Variants in SNX13 observed in about 807,000 individuals in gnomAD.
SNX13 encodes the protein sorting nexin 13.
Under a neutral mutation model 133.6 loss-of-function variants are expected in SNX13, and 45 were observed. The observed-to-expected ratio is 0.34, with a 90% CI of 0.27 to 0.43. The LOEUF (loss-of-function observed/expected upper bound fraction) is 0.43. Among genes scored for constraint, SNX13 ranks in the 20% least tolerant of loss-of-function variants. SNX13 has a pLI of 1.00. For synonymous variants in SNX13, 414 were observed against 373.9 expected (o/e 1.11, Z -1.24); for missense variants, 1,032 against 1,145.1 (o/e 0.90, Z 1.43).
At chr7:17,908,362 G>C (rs561199998) in intron 1 of SNX13, among the ~76,000 whole-genome samples, 1 of 152,122 alleles carries the variant, frequency 6.6e-6, no homozygotes, top group Non-Finnish European at 1.5e-5. Context: ...TGACCTTTGA[G>C]AAAGATTCTA....
chr7:17,859,176 A>C (rs190323535), intron 9 of SNX13, among the ~76,000 whole-genome samples: 1 of 152,218 alleles, frequency 6.6e-6, no homozygotes, highest in African/African-American at 2.4e-5. Flanking sequence ...CCTAGGGAAT[A>C]ATATCTGCAA....
intron 15 of SNX13, chr7:17,830,822 T>G (rs1441878858): frequency 1.0e-6 from 1 of 984,094 alleles, no homozygotes; most frequent in African/African-American, 1.8e-5. Flanking sequence ...TAATATATGG[T>G]TTCGAGCACT....
At chr7:17,829,013 T>C (rs1285907875) in intron 16 of SNX13, among the ~76,000 whole-genome samples, 2 of 151,552 alleles carry the variant, frequency 1.3e-5, no homozygotes, top group Non-Finnish European at 3.0e-5. Context: ...TGACACCAAA[T>C]GATTTAGGAA....
intron 12 of SNX13, among the ~76,000 whole-genome samples, chr7:17,841,675 C>T (rs1789919545): frequency 6.6e-6 from 1 of 150,784 alleles, no homozygotes; most frequent in Non-Finnish European, 1.5e-5. Context: ...AAACTGTCCC[C>T]AAAAAAGACC....
At chr7:17,857,084 G>C (rs1276763995) in intron 9 of SNX13, among the ~76,000 whole-genome samples, 5 of 151,912 alleles carry the variant, frequency 3.3e-5, no homozygotes, top group Non-Finnish European at 7.4e-5. Context: ...GAAATATAAA[G>C]AATCATCAGA....
Position 17,799,067 on chromosome 7 carries a change from T to G in SNX13, c.2386A>C (p.Asn796His). The change falls in exon 23 of 26, where the codon AAT becomes CAT. Residue 796 changes from asparagine (N) to histidine (H), a missense_variant. By Grantham distance (68) the Asn-to-His change is moderately conservative. Coordinates refer to ENST00000428135, the MANE Select transcript of SNX13 (RefSeq NM_015132.5). ...AGCTGTTGAAGTAGGTTTTTGATATTCCTTCGCAACCACTGATTTCTTTCT... is the reference window on the plus strand; with the variant it reads ...AGCTGTTGAAGTAGGTTTTTGATATGCCTTCGCAACCACTGATTTCTTTCT... ...LKERNQWLRR[N>H]IKNLLQQLIR... The G allele has an allele frequency of 6.2e-7, 1 of 1,611,132 alleles. No homozygotes were observed. The highest frequency in any genetic ancestry group is 8.5e-7 in the Non-Finnish European group (1 of 1,178,114).
Position 17,834,197 on chromosome 7 carries a change from A to G in SNX13, c.1465-13T>C. ...TCAATTCATATACCTTGGTGAAATAAATCAAGATATTCAACAATTAATACA... is the reference window on the plus strand; with the variant it reads ...TCAATTCATATACCTTGGTGAAATAGATCAAGATATTCAACAATTAATACA... On this transcript the variant is annotated splice_polypyrimidine_tract_variant and intron_variant, in intron 14 of 25. Coordinates refer to ENST00000428135, the MANE Select transcript of SNX13 (RefSeq NM_015132.5). 6.5e-7 allele frequency: 1 copy of G among 1,544,606 alleles called. No homozygotes were observed. Among genetic ancestry groups the G allele is most frequent in the Non-Finnish European group, 8.8e-7 (1 of 1,139,370 alleles).
chr7:17,919,809 T>C (rs1014955195), intron 1 of SNX13, among the ~76,000 whole-genome samples: 4 of 152,114 alleles, frequency 2.6e-5, no homozygotes, highest in African/African-American at 4.8e-5. Context: ...AGATACATTA[T>C]AAAAATGTAT....
chr7:17,818,934 C>T (rs957295858), intron 18 of SNX13, among the ~76,000 whole-genome samples: 3 of 152,034 alleles, frequency 2.0e-5, no homozygotes, highest in African/African-American at 7.3e-5. Flanking sequence ...TTTATCTATA[C>T]CTATACAGAT....
intron 5 of SNX13, among the ~76,000 whole-genome samples, chr7:17,884,171 T>C (rs1233766181): frequency 6.6e-6 from 1 of 152,208 alleles, no homozygotes; most frequent in African/African-American, 2.4e-5. Context: ...ATATGCTGTA[T>C]GATTTTTAGC....
chr7:17,902,869 G>C (rs897929122), intron 1 of SNX13, among the ~76,000 whole-genome samples: 3 of 152,136 alleles, frequency 2.0e-5, no homozygotes, highest in Non-Finnish European at 2.9e-5. Context: ...ATTCTCATAG[G>C]AACGTGAAAC....
At chr7:17,800,916 T>C (rs1224206719) in intron 22 of SNX13, among the ~76,000 whole-genome samples, 1 of 150,602 alleles carries the variant, frequency 6.6e-6, no homozygotes, top group Non-Finnish European at 1.5e-5. Context: ...ACTGGCAGGA[T>C]GTAGAACACT....
rs982836060 is a variant in SNX13 at position 17,839,766 on chromosome 7, T to C, written c.1359+41A>G. ...AATGGATTACAAAAATTATTAATAA[T>C]ACTGCTAAAGAAGAAAACAGTAATC... On this transcript the variant is annotated intron_variant, in intron 13 of 25. Transcript: ENST00000428135. 8 of 1,493,242 alleles carry C rather than the reference T, an allele frequency of 5.4e-6. No individual in the cohort carries two copies. The Admixed American group carries it at 1.1e-4, about 21-fold the overall frequency. 92.5% of individuals were successfully genotyped at this position (1,493,242 alleles called of 1,614,324 possible).
At chr7:17,890,082 A>ATC in intron 5 of SNX13, 1 of 235,694 alleles carries the variant, frequency 4.2e-6, no homozygotes, top group Non-Finnish European at 8.2e-6. Context: ...GTGGGGTAAC[A>ATC]GATTTGAAAA....
At chr7:17,928,028 A>G (rs1280561834) in intron 1 of SNX13, among the ~76,000 whole-genome samples, 1 of 152,192 alleles carries the variant, frequency 6.6e-6, no homozygotes, top group African/African-American at 2.4e-5. Context: ...AAGTCCTAAT[A>G]TTTACAAGTT....
At position 17,814,846 on chromosome 7, in the gene SNX13, A is replaced by T; in HGVS notation, c.2052T>A (p.Asp684Glu). ...ENKAYSKGKG[D>E]FARKMDTFVN... ...TCTGCTTACTTACCTTGCGAGCAAAATCCCCTTTTCCTTTACTGTAGGCTT... is the reference window on the plus strand; with the variant it reads ...TCTGCTTACTTACCTTGCGAGCAAATTCCCCTTTTCCTTTACTGTAGGCTT... The change falls in exon 20 of 26, where the codon GAT (aspartate) becomes GAA (glutamate). Residue 684 changes from aspartate (D) to glutamate (E), a missense_variant. Physicochemically the swap from Asp to Glu is conservative, Grantham distance 45 (BLOSUM62 2). Coordinates refer to ENST00000428135, the MANE Select transcript of SNX13 (RefSeq NM_015132.5). 6.5e-7 allele frequency: 1 copy of T among 1,542,110 alleles called. No individual in the cohort carries two copies.
At chr7:17,898,912 T>C (rs1160065703) in intron 1 of SNX13, 1 of 152,172 alleles carries the variant, frequency 6.6e-6, no homozygotes, top group Non-Finnish European at 1.5e-5. Context: ...CTTTTATCTT[T>C]TAACCAAAGG....
chr7:17,829,717 A>G (rs527851830), intron 16 of SNX13, among the ~76,000 whole-genome samples: 116 of 151,396 alleles, frequency 7.7e-4, no homozygotes, highest in Non-Finnish European at 1.3e-3. Flanking sequence ...TAAACATGCT[A>G]AATATTAGAA....
intron 4 of SNX13, 65 bp downstream of exon 4, chr7:17,891,481 A>G: frequency 1.7e-6 from 2 of 1,151,932 alleles, no homozygotes; most frequent in Non-Finnish European, 2.5e-6. Flanking sequence ...ATTTCCTGGT[A>G]TCTTCAAAAG....
Sources: allele counts gnomAD v4.1 joint callset (sites outside exome capture counted in the v4.1 genomes callset), GRCh38; gene constraint gnomAD v4.1.1; transcripts MANE v1.5; gene names NCBI Gene and HGNC (gene_info 2026-07-23, HGNC 2026-07-21).